MAD1L1: variants seen among roughly 807,000 people sequenced by gnomAD.
The protein encoded by MAD1L1 is mitotic arrest deficient 1 like 1.
In MAD1L1, 95 loss-of-function variants were observed where a neutral mutation model predicts 96.9. That is an observed-to-expected ratio of 0.98 (90% CI 0.83 to 1.16). The LOEUF (loss-of-function observed/expected upper bound fraction) is 1.16. MAD1L1 is among the 50% of genes most tolerant of loss of function. The pLI, the probability that MAD1L1 is intolerant of heterozygous loss-of-function variation, is 0.00. For missense variants in MAD1L1, 1,007 were observed against 954.4 expected, an observed-to-expected ratio of 1.06 and a Z score of -0.73; for synonymous variants, 473 against 396.6, an observed-to-expected ratio of 1.19 and a Z score of -2.29.
chr7:2,231,190 C>A (rs923872063), intron 1 of MAD1L1, among the ~76,000 whole-genome samples: 2 of 152,074 alleles, frequency 1.3e-5, no homozygotes, highest in African/African-American at 4.8e-5. Flanking sequence ...CCCAGCTACT[C>A]AGGAGGCTGT....
At position 1,968,235 on chromosome 7, in the gene MAD1L1, C is replaced by T. The variant is rs964983649; in HGVS notation, c.1506-10516G>A. Among the ~76,000 whole-genome samples, 3 of 152,128 alleles carry T rather than the reference C, an allele frequency of 2.0e-5. No homozygotes were observed. The highest frequency in any genetic ancestry group is 4.8e-5 in the African/African-American group (2 of 41,414). On this transcript the variant is annotated intron_variant, in intron 15 of 18. Coordinates refer to ENST00000265854, the MANE Select transcript of MAD1L1 (RefSeq NM_001013836.2). This position sits in a 1 kb window ranked among gnomAD's most constrained non-coding sequence, Gnocchi z 5.6. ...CAGGTCCACCGTCGACGCCTCAGTC[C>T]GGCGGTCAGGTCCACCGTCAACACC...
chr7:2,108,295 A>T (rs1262028613), intron 11 of MAD1L1, among the ~76,000 whole-genome samples: 1 of 152,214 alleles, frequency 6.6e-6, no homozygotes, highest in Non-Finnish European at 1.5e-5. Context: ...TAATTATGGT[A>T]AAAAGAGCGC....
intron 12 of MAD1L1, among the ~76,000 whole-genome samples, chr7:2,054,261 T>C (rs893592355): frequency 3.3e-5 from 5 of 152,212 alleles, no homozygotes; most frequent in Non-Finnish European, 7.3e-5. Context: ...CTGAATCCAG[T>C]GTAACGCAGC....
At chr7:1,885,906 C>T (rs1303260328) in intron 18 of MAD1L1, among the ~76,000 whole-genome samples, 2 of 152,250 alleles carry the variant, frequency 1.3e-5, no homozygotes, top group East Asian at 1.9e-4. Context: ...GGACCCCTGC[C>T]CGGCATCTCT....
chr7:2,051,426 C>T (rs565373965), intron 12 of MAD1L1, among the ~76,000 whole-genome samples: 1 of 152,314 alleles, frequency 6.6e-6, no homozygotes, highest in African/African-American at 2.4e-5. Context: ...GAAGGGGCTC[C>T]TGGGATCTGG....
chr7:2,090,808 C>A (rs1374527723), intron 11 of MAD1L1, among the ~76,000 whole-genome samples: 2 of 152,200 alleles, frequency 1.3e-5, no homozygotes, highest in East Asian at 3.9e-4. Context: ...GTGCTGCCCA[C>A]CAGGCCCCTC....
intron 16 of MAD1L1, among the ~76,000 whole-genome samples, chr7:1,951,309 G>C (rs1425436490): frequency 6.6e-6 from 1 of 152,236 alleles, no homozygotes; most frequent in Non-Finnish European, 1.5e-5. Flanking sequence ...GAAGGCAGGA[G>C]TGACCGAAGG....
At chr7:1,824,779 A>T (rs4379359) in intron 18 of MAD1L1, among the ~76,000 whole-genome samples, 63,513 of 151,786 alleles carry the variant, frequency 0.42, 13,453 homozygotes, top group Non-Finnish European at 0.45. Context: ...GCTGTCAGGA[A>T]ATCAAAGTGT....
intron 10 of MAD1L1, among the ~76,000 whole-genome samples, chr7:2,149,814 A>G (rs1789482803): frequency 1.3e-5 from 2 of 152,238 alleles, no homozygotes; most frequent in African/African-American, 4.8e-5. Flanking sequence ...GATGATCAGC[A>G]ACAGCTGAGC....
At chr7:2,034,393 T>A (rs565627069) in intron 12 of MAD1L1, among the ~76,000 whole-genome samples, 17 of 152,130 alleles carry the variant, frequency 1.1e-4, no homozygotes, top group Middle Eastern at 3.4e-3. Flanking sequence ...ATTTTTTGTA[T>A]TTTAGTAGAG....
intron 18 of MAD1L1, among the ~76,000 whole-genome samples, chr7:1,839,390 A>G (rs1482490036): frequency 5.1e-5 from 7 of 137,446 alleles, no homozygotes; most frequent in African/African-American, 1.1e-4. Context: ...GCAGGAAAGC[A>G]TCCTGCCCAC....
rs565920614 is a variant in MAD1L1, at chr7:2,224,214, C to T, written c.291+1196G>A. On this transcript the variant is annotated intron_variant, in intron 4 of 18. Transcript: ENST00000265854. ...GCACACTGTCCCTCCTGCCTGACAGCCACAGCCATACCATCAGCATGCTGC... is the reference window on the plus strand; with the variant it reads ...GCACACTGTCCCTCCTGCCTGACAGTCACAGCCATACCATCAGCATGCTGC... Among the ~76,000 whole-genome samples the T allele has an allele frequency of 2.6e-5, 4 of 152,280 alleles. No individual in the cohort carries two copies. The South Asian group carries it at 8.3e-4, about 32-fold the overall frequency.
At chr7:2,125,893 C>A (rs1206226478) in intron 11 of MAD1L1, among the ~76,000 whole-genome samples, 1 of 152,248 alleles carries the variant, frequency 6.6e-6, no homozygotes, top group African/African-American at 2.4e-5. Flanking sequence ...CTGTTTTAAG[C>A]GTTGAGCCAG....
intron 18 of MAD1L1, among the ~76,000 whole-genome samples, chr7:1,876,418 C>T (rs957852761): frequency 1.3e-5 from 2 of 151,968 alleles, no homozygotes; most frequent in Non-Finnish European, 2.9e-5. Context: ...CCTCACCCAC[C>T]GAGACCAGGT....
chr7:2,141,120 T>C (rs1398080441), intron 11 of MAD1L1, among the ~76,000 whole-genome samples: 1 of 152,130 alleles, frequency 6.6e-6, no homozygotes, highest in Non-Finnish European at 1.5e-5. Flanking sequence ...CCCGGCCCCG[T>C]CATGAAGGAG....
chr7:1,951,999 A>G (rs1434183580), intron 16 of MAD1L1, among the ~76,000 whole-genome samples: 1 of 152,160 alleles, frequency 6.6e-6, no homozygotes, highest in Non-Finnish European at 1.5e-5. Flanking sequence ...CCACTCTTCC[A>G]TCAGTGGCAG....
At chr7:1,888,707 G>A (rs1473103999) in intron 18 of MAD1L1, among the ~76,000 whole-genome samples, 3 of 152,046 alleles carry the variant, frequency 2.0e-5, no homozygotes, top group Non-Finnish European at 4.4e-5. Context: ...TGTCGTGTGT[G>A]GCTGCCCGTG....
chr7:2,200,986 G>A (rs1051088725), intron 10 of MAD1L1, among the ~76,000 whole-genome samples: 1 of 152,208 alleles, frequency 6.6e-6, no homozygotes, highest in South Asian at 2.1e-4. Flanking sequence ...ACGCAGGGTA[G>A]GTGGAGGGCG....
chr7:1,962,886 G>A (rs1217156788), intron 15 of MAD1L1, among the ~76,000 whole-genome samples: 1 of 152,170 alleles, frequency 6.6e-6, no homozygotes, highest in East Asian at 1.9e-4. Flanking sequence ...GTCAGAGGCT[G>A]CAGGCAGCTA....
Sources: allele counts gnomAD v4.1 joint callset (sites outside exome capture counted in the v4.1 genomes callset), GRCh38; gene constraint gnomAD v4.1.1; non-coding constraint Gnocchi (gnomAD v3.1); transcripts MANE v1.5; gene names NCBI Gene and HGNC (gene_info 2026-07-23, HGNC 2026-07-21).